HDDC3: variants seen among roughly 807,000 people sequenced by gnomAD.
The protein encoded by HDDC3 is HD domain containing 3.
Under a neutral mutation model 19.1 loss-of-function variants are expected in HDDC3, and 18 were observed. That is an observed-to-expected ratio of 0.94 (90% CI 0.65 to 1.40). The LOEUF is 1.40. Among genes scored for constraint, HDDC3 ranks in the 40% most tolerant of loss-of-function variants. The pLI is 0.00. For missense variants in HDDC3, 250 were observed against 228.9 expected (o/e 1.09, Z -0.59); for synonymous variants, 107 against 99.4 (o/e 1.08, Z -0.46).
chr15:90,931,471 C>T, intron 3 of HDDC3, 66 bp from the exon 4 acceptor site: 1 of 1,614,138 alleles, frequency 6.2e-7, no homozygotes, highest in Non-Finnish European at 8.5e-7. Context: ...TTCCCCACTT[C>T]CTGGCAAGCT....
At position 90,930,966 on chromosome 15, in the gene HDDC3, C is replaced by T. The variant is rs1261556586; in HGVS notation, c.*309G>A. On this transcript the variant is annotated 3_prime_UTR_variant, in exon 4 of 4. Transcript: ENST00000394272. The stretch of plus-strand genomic sequence containing the variant: ...TTTATTTTCCAGAACGTGTTAGGAA[C>T]TAGTACTTAAATAATCTCAAGTCCC... The T allele has an allele frequency of 4.3e-5, 15 of 352,110 alleles. No individual in the cohort carries two copies. The Admixed American group carries it at 6.0e-4, about 14-fold the overall frequency. The allele number at this position is 352,110 out of a possible 1,614,324, so 21.8% of individuals were successfully genotyped here. A position where few individuals can be genotyped will look rare whatever the true frequency, so the allele number is the denominator to read the frequency against.
At chr15:90,932,006 G>A in intron 2 of HDDC3, 49 bp downstream of exon 2, 2 of 1,613,942 alleles carry the variant, frequency 1.2e-6, no homozygotes, top group Admixed American at 1.7e-5. Context: ...TGCTGAATGG[G>A]GCCCCTAATC....
Position 90,932,439 on chromosome 15 carries a change from G to A in HDDC3, c.102C>T (p.Asn34=). 1 of 1,366,124 alleles carries A rather than the reference G, an allele frequency of 7.3e-7. No homozygotes were observed. Among genetic ancestry groups the A allele is most frequent in the South Asian group, 1.8e-5 (1 of 54,882 alleles). 84.6% of individuals were successfully genotyped at this position (1,366,124 alleles called of 1,614,324 possible). A position where few individuals can be genotyped will look rare whatever the true frequency, so the allele number is the denominator to read the frequency against. ...RKDPEGTPYI[N]HPIGVARILT... ...GGCCGACGCGCCCACCGATGGGGTG[G>A]TTGATGTAGGGGGTCCCCTCGGGGT... The change falls in exon 1 of 4, where the codon AAC becomes AAT. Residue 34 remains asparagine, a synonymous_variant. Coordinates refer to ENST00000394272, the MANE Select transcript of HDDC3 (RefSeq NM_001286451.2).
chr15:90,931,228 G>T lies in HDDC3; in HGVS notation c.*47C>A, dbSNP rs1250393905. ...AAAGATGGCGTATGAATCCTGTCCG[G>T]CCTGAACGAGGCTGGAGTTGTGCCT... On this transcript the variant is annotated 3_prime_UTR_variant, in exon 4 of 4. Transcript: ENST00000394272. The T allele has an allele frequency of 6.5e-7, 1 of 1,546,950 alleles. No homozygotes were observed. The highest frequency in any genetic ancestry group is 8.7e-7 in the Non-Finnish European group (1 of 1,143,798).
At chr15:90,931,437 T>G in intron 3 of HDDC3, 32 bp from the exon 4 acceptor site, 1 of 1,611,012 alleles carries the variant, frequency 6.2e-7, no homozygotes, top group Non-Finnish European at 8.5e-7. Context: ...CTTGCTAGCG[T>G]GATGTCAAGG....
At position 90,932,088 on chromosome 15, in the gene HDDC3, G is replaced by A. The variant is rs149008342; in HGVS notation, c.135C>T (p.His45=). 66 of 1,606,906 alleles carry A rather than the reference G, an allele frequency of 4.1e-5. No individual in the cohort carries two copies. The East Asian group carries it at 1.4e-3, about 34-fold the overall frequency. Residue 45 remains histidine, a synonymous_variant, in exon 2 of 4, where the codon CAC becomes CAT. Coordinates refer to ENST00000394272, the MANE Select transcript of HDDC3 (RefSeq NM_001286451.2). The part of the protein sequence containing the change: ...HPIGVARILT[H]EAGITDIVVL... ...CCACAATGTCAGTGATTCCCGCCTC[G>A]TGGGTCAGGATCCGTGCCACACCTG...
Position 90,931,224 on chromosome 15 carries a change from T to G in HDDC3, c.*51A>C. The G allele has an allele frequency of 6.5e-7, 1 of 1,546,590 alleles. No individual in the cohort carries two copies. The highest frequency in any genetic ancestry group is 8.7e-7 in the Non-Finnish European group (1 of 1,143,516). ...CAGAAAAGATGGCGTATGAATCCTG[T>G]CCGGCCTGAACGAGGCTGGAGTTGT... On this transcript the variant is annotated 3_prime_UTR_variant, in exon 4 of 4. Coordinates refer to ENST00000394272, the MANE Select transcript of HDDC3 (RefSeq NM_001286451.2).
At position 90,932,417 on chromosome 15, in the gene HDDC3, C is replaced by T; in HGVS notation, c.112+12G>A. On this transcript the variant is annotated intron_variant, in intron 1 of 3. Coordinates refer to ENST00000394272, the MANE Select transcript of HDDC3 (RefSeq NM_001286451.2). ...GGTGCCGCAGCCGGCGCTCCGCGGC[C>T]GACGCGCCCACCGATGGGGTGGTTG... 1 of 1,332,694 alleles carries T rather than the reference C, an allele frequency of 7.5e-7. No homozygotes were observed. The highest frequency in any genetic ancestry group is 9.6e-7 in the Non-Finnish European group (1 of 1,040,002). 82.6% of individuals were successfully genotyped at this position (1,332,694 alleles called of 1,614,324 possible). A position where few individuals can be genotyped will look rare whatever the true frequency, so the allele number is the denominator to read the frequency against.
At position 90,931,206 on chromosome 15, in the gene HDDC3, G is replaced by A; in HGVS notation, c.*69C>T. 6.6e-7 allele frequency: 1 copy of A among 1,516,784 alleles called. No homozygotes were observed. The allele number at this position is 1,516,784 out of a possible 1,614,324, so 94.0% of individuals were successfully genotyped here. A position where few individuals can be genotyped will look rare whatever the true frequency, so the allele number is the denominator to read the frequency against. On this transcript the variant is annotated 3_prime_UTR_variant, in exon 4 of 4. Coordinates refer to ENST00000394272, the MANE Select transcript of HDDC3 (RefSeq NM_001286451.2). ...GAGGGAGCTCAGGAGACACAGAAAAGATGGCGTATGAATCCTGTCCGGCCT... is the reference window on the plus strand; with the variant it reads ...GAGGGAGCTCAGGAGACACAGAAAAAATGGCGTATGAATCCTGTCCGGCCT...
Position 90,932,473 on chromosome 15 carries a change from CGCT to C in HDDC3, c.65_67del (p.Gln22del). ...GGGGGTCCCCTCGGGGTCCTTCCGC[CGCT>C]GCTGCCGGTGCTTGCGAGCCGCGAA... On this transcript the variant is annotated inframe_deletion, in exon 1 of 4. Coordinates refer to ENST00000394272, the MANE Select transcript of HDDC3 (RefSeq NM_001286451.2). The C allele has an allele frequency of 7.6e-7, 1 of 1,323,954 alleles. No homozygotes were observed. Among genetic ancestry groups the C allele is most frequent in the Non-Finnish European group, 9.6e-7 (1 of 1,037,690 alleles). 82.0% of individuals were successfully genotyped at this position (1,323,954 alleles called of 1,614,324 possible). A position where few individuals can be genotyped will look rare whatever the true frequency, so the allele number is the denominator to read the frequency against.
In HDDC3 at chr15:90,930,825, G is replaced by T. The variant is rs1338328415; in HGVS notation, c.*450C>A. On this transcript the variant is annotated 3_prime_UTR_variant, in exon 4 of 4. Coordinates refer to ENST00000394272, the MANE Select transcript of HDDC3 (RefSeq NM_001286451.2). ...GAGGGGTTGAGGCCCGCAACCTGAGGGAGGTGACTCCGGGACACACAATTA... is the reference window on the plus strand; with the variant it reads ...GAGGGGTTGAGGCCCGCAACCTGAGTGAGGTGACTCCGGGACACACAATTA... The T allele has an allele frequency of 5.5e-6, 1 of 183,014 alleles. No individual in the cohort carries two copies. Among genetic ancestry groups the T allele is most frequent in the African/African-American group, 2.4e-5 (1 of 42,064 alleles). The allele number at this position is 183,014 out of a possible 1,614,324, so 11.3% of individuals were successfully genotyped here.
rs904154529 is a variant in HDDC3 at position 90,930,137 on chromosome 15, G to A, written c.*1138C>T. The A allele has an allele frequency of 6.6e-6, 1 of 152,088 alleles. No homozygotes were observed. The highest frequency in any genetic ancestry group is 2.4e-5 in the African/African-American group (1 of 41,414). 9.4% of individuals were successfully genotyped at this position (152,088 alleles called of 1,614,324 possible). On this transcript the variant is annotated 3_prime_UTR_variant, in exon 4 of 4. Transcript: ENST00000394272. ...GCCGACCGCCGGGCTCCCGGGGTCG[G>A]ACAGCCCCGGGCCACTTCCGGGCCT...
In HDDC3 at chr15:90,930,129, C is replaced by G. The variant is rs534578281; in HGVS notation, c.*1146G>C. On this transcript the variant is annotated 3_prime_UTR_variant, in exon 4 of 4. Transcript: ENST00000394272. The stretch of plus-strand genomic sequence containing the variant: ...TCCCCTACGCCGACCGCCGGGCTCC[C>G]GGGGTCGGACAGCCCCGGGCCACTT... The G allele has an allele frequency of 6.6e-6, 1 of 152,154 alleles. No individual in the cohort carries two copies. Among genetic ancestry groups the G allele is most frequent in the Non-Finnish European group, 1.5e-5 (1 of 68,018 alleles). The allele number at this position is 152,154 out of a possible 1,614,324, so 9.4% of individuals were successfully genotyped here.
chr15:90,931,075 G>T lies in HDDC3; in HGVS notation c.*200C>A. The T allele has an allele frequency of 1.7e-6, 1 of 593,586 alleles. No individual in the cohort carries two copies. Among genetic ancestry groups the T allele is most frequent in the Non-Finnish European group, 2.9e-6 (1 of 340,682 alleles). 36.8% of individuals were successfully genotyped at this position (593,586 alleles called of 1,614,324 possible). ...GCGGTGAGTGCATCAGAAATGGATGGGTACATCTGATTCCCACCACGCGGG... is the reference window on the plus strand; with the variant it reads ...GCGGTGAGTGCATCAGAAATGGATGTGTACATCTGATTCCCACCACGCGGG... On this transcript the variant is annotated 3_prime_UTR_variant, in exon 4 of 4. Coordinates refer to ENST00000394272, the MANE Select transcript of HDDC3 (RefSeq NM_001286451.2).
At position 90,931,159 on chromosome 15, in the gene HDDC3, C is replaced by A; in HGVS notation, c.*116G>T. The A allele has an allele frequency of 7.9e-7, 1 of 1,270,800 alleles. No individual in the cohort carries two copies. Among genetic ancestry groups the A allele is most frequent in the South Asian group, 1.5e-5 (1 of 68,664 alleles). The allele number at this position is 1,270,800 out of a possible 1,614,324, so 78.7% of individuals were successfully genotyped here. ...AGAAAAAATGCAAGTCTTTTTTTGG[C>A]CTCTAATATCTGGGAAGGATGGAGG... is the stretch of plus-strand genomic sequence containing the variant. On this transcript the variant is annotated 3_prime_UTR_variant, in exon 4 of 4. Coordinates refer to ENST00000394272, the MANE Select transcript of HDDC3 (RefSeq NM_001286451.2).
In HDDC3 at chr15:90,932,476, T is replaced by TACACAA; in HGVS notation, c.64_65insTTGTGT (p.Gln22delinsLeuValTer). 1.5e-6 allele frequency: 2 copies of TACACAA among 1,315,110 alleles called. No homozygotes were observed. Among genetic ancestry groups the TACACAA allele is most frequent in the Non-Finnish European group, 9.7e-7 (1 of 1,032,716 alleles). The allele number at this position is 1,315,110 out of a possible 1,614,324, so 81.5% of individuals were successfully genotyped here. A position where few individuals can be genotyped will look rare whatever the true frequency, so the allele number is the denominator to read the frequency against. On this transcript the variant is annotated stop_gained and protein_altering_variant, in exon 1 of 4. Coordinates refer to ENST00000394272, the MANE Select transcript of HDDC3 (RefSeq NM_001286451.2). LOFTEE classifies it high-confidence loss of function. ...GGTCCCCTCGGGGTCCTTCCGCCGC[T>TACACAA]GCTGCCGGTGCTTGCGAGCCGCGAA...
rs1219033640 is a variant in HDDC3, at chr15:90,931,862, C to A, written c.251G>T (p.Arg84Leu). The change falls in exon 3 of 4, where the codon CGC becomes CTC. Residue 84 changes from arginine (R) to leucine (L), a missense_variant. Transcript: ENST00000394272. ...VELHFGAQVR[R>L]LVEEVTDDKT... is the part of the protein sequence containing the mutation. Reference sequence around the variant, plus strand: ...GTCATCTGTTACCTCCTCCACCAGGCGCCGCACTTGTGCCCCAAAGTGTAG... The same window carrying A: ...GTCATCTGTTACCTCCTCCACCAGGAGCCGCACTTGTGCCCCAAAGTGTAG... 1 of 1,614,134 alleles carries A rather than the reference C, an allele frequency of 6.2e-7. No individual in the cohort carries two copies. Among genetic ancestry groups the A allele is most frequent in the South Asian group, 1.1e-5 (1 of 91,090 alleles).
Position 90,931,839 on chromosome 15 carries a change from C to T in HDDC3, c.274G>A (p.Asp92Asn). The T allele has an allele frequency of 6.2e-7, 1 of 1,614,162 alleles. No individual in the cohort carries two copies. The highest frequency in any genetic ancestry group is 8.5e-7 in the Non-Finnish European group (1 of 1,180,028). Residue 92 changes from aspartate (D) to asparagine (N), a missense_variant, in exon 3 of 4, where the codon GAC (aspartate) becomes AAC (asparagine). Physicochemically the swap from Asp to Asn is conservative, Grantham distance 23. Transcript: ENST00000394272. The part of the protein sequence containing the change: ...VRRLVEEVTD[D>N]KTLPKLERKR... ...CTCTCCAGCTTGGGCAGAGTCTTGT[C>T]ATCTGTTACCTCCTCCACCAGGCGC...
In HDDC3 at chr15:90,930,359, T is replaced by G. The variant is rs2035747852; in HGVS notation, c.*916A>C. On this transcript the variant is annotated 3_prime_UTR_variant, in exon 4 of 4. Transcript: ENST00000394272. ...GTAAGCGGGCGGCACTCCCTTCCGA[T>G]ACGTCTTTTCTTTTTTCATTTTTGA... The G allele has an allele frequency of 6.6e-6, 1 of 152,310 alleles. No homozygotes were observed. Among genetic ancestry groups the G allele is most frequent in the African/African-American group, 2.4e-5 (1 of 41,422 alleles). 9.4% of individuals were successfully genotyped at this position (152,310 alleles called of 1,614,324 possible).
Sources: allele counts gnomAD v4.1 joint callset, GRCh38; gene constraint gnomAD v4.1.1; transcripts MANE v1.5; gene names NCBI Gene and HGNC (gene_info 2026-07-23, HGNC 2026-07-21).